ABCB9: variants seen among roughly 807,000 people sequenced by gnomAD.
ABCB9 encodes the protein ABC-type oligopeptide transporter ABCB9.
ABCB9 carries 36 observed loss-of-function variants against 62.0 expected under a neutral mutation model. The ratio of observed to expected loss-of-function variants is 0.58; its 90% CI spans 0.45 to 0.77. The LOEUF (loss-of-function observed/expected upper bound fraction) is 0.77, where lower values mean the gene tolerates loss of function less well. ABCB9 is among the 30% of genes least tolerant of loss of function. The pLI is 0.00. For missense variants in ABCB9, 943 were observed against 1,054.7 expected (o/e 0.89, Z 1.47); for synonymous variants, 435 against 461.4 (o/e 0.94, Z 0.73).
chr12:122,956,120 C>T (rs1241936397), intron 2 of ABCB9, among the ~76,000 whole-genome samples: 1 of 152,144 alleles, frequency 6.6e-6, no homozygotes, highest in Non-Finnish European at 1.5e-5. Flanking sequence ...TTGGGCCGCC[C>T]AGCATGAGCC....
intron 9 of ABCB9, among the ~76,000 whole-genome samples, chr12:122,937,809 C>T (rs1052566361): frequency 6.6e-6 from 1 of 152,164 alleles, no homozygotes; most frequent in Non-Finnish European, 1.5e-5. Flanking sequence ...ATGATGTAAA[C>T]GGTGCTCCCT....
intron 3 of ABCB9, among the ~76,000 whole-genome samples, 156 bp downstream of exon 3, chr12:122,950,295 G>A (rs1229786840): frequency 1.3e-5 from 2 of 152,156 alleles, no homozygotes; most frequent in Admixed American, 6.5e-5. Context: ...AGACAGTGTG[G>A]AAGCCGGTTC....
At position 122,932,202 on chromosome 12, in the gene ABCB9, C is replaced by T; in HGVS notation, c.2030G>A (p.Ser677Asn). Residue 677 changes from serine (S) to asparagine (N), a missense_variant, in exon 11 of 12, where the codon AGC (serine) becomes AAC (asparagine). By Grantham distance (46) the Ser-to-Asn change is conservative. Transcript: ENST00000280560. This position sits in a 1 kb window ranked among gnomAD's most constrained non-coding sequence, Gnocchi z 4.7. Reference protein sequence around the residue: ...DEATSALDAESEYLIQQAIHG... With the variant: ...DEATSALDAENEYLIQQAIHG... ...CACCCTGTGACTCACCAGATACTCGCTCTCGGCATCCAAAGCGCTGGTGGC... is the reference window on the plus strand; with the variant it reads ...CACCCTGTGACTCACCAGATACTCGTTCTCGGCATCCAAAGCGCTGGTGGC... 1.3e-6 allele frequency: 2 copies of T among 1,552,776 alleles called. No individual in the cohort carries two copies. The highest frequency in any genetic ancestry group is 2.0e-5 in the Admixed American group (1 of 51,202).
intron 5 of ABCB9, chr12:122,946,502 A>G: frequency 2.1e-6 from 1 of 483,386 alleles, no homozygotes; most frequent in Non-Finnish European, 3.8e-6. Flanking sequence ...CCCAGTATTC[A>G]AAAGAGGCTA....
rs1334285313 is a variant in ABCB9 at position 122,940,929 on chromosome 12, T to C, written c.1447A>G (p.Ile483Val). ...TGCACCATGGTCGGCTGCCGGTCGA[T>C]GAACTCGAACACCTTCTCAGCAGCC... ...VGAAEKVFEF[I>V]DRQPTMVHDG... The change falls in exon 8 of 12, where the codon ATC (isoleucine) becomes GTC (valine). Residue 483 changes from isoleucine (I) to valine (V), a missense_variant. By Grantham distance (29) the Ile-to-Val change is conservative. Transcript: ENST00000280560. This position sits in a 1 kb window ranked among gnomAD's most constrained non-coding sequence, Gnocchi z 4.8. 1.9e-6 allele frequency: 3 copies of C among 1,612,768 alleles called. No homozygotes were observed. Among genetic ancestry groups the C allele is most frequent in the Non-Finnish European group, 2.5e-6 (3 of 1,179,528 alleles).
rs779022972 is a variant in ABCB9, at chr12:122,940,185, G to T, written c.1669C>A (p.Pro557Thr). Residue 557 changes from proline (P) to threonine (T), a missense_variant, in exon 9 of 12, where the codon CCC (proline) becomes ACC (threonine). By Grantham distance (38) the Pro-to-Thr change is conservative. Transcript: ENST00000280560. This position sits in a 1 kb window ranked among gnomAD's most constrained non-coding sequence, Gnocchi z 4.8. ...SCVNILENFY[P>T]LEGGRVLLDG... ...AGCAGCACCCGGCCCCCCTCCAGGG[G>T]GTAGAAGTTCTCCAGGATGTTGACA... 1.2e-6 allele frequency: 2 copies of T among 1,613,776 alleles called. No homozygotes were observed. The highest frequency in any genetic ancestry group is 4.5e-5 in the East Asian group (2 of 44,884).
At position 122,929,023 on chromosome 12, in the gene ABCB9, C is replaced by T. The variant is rs1355405226; in HGVS notation, c.*888G>A. The T allele has an allele frequency of 4.1e-6, 4 of 985,770 alleles. No individual in the cohort carries two copies. Among genetic ancestry groups the T allele is most frequent in the East Asian group, 2.3e-4 (2 of 8,820 alleles). The allele number at this position is 985,770 out of a possible 1,614,324, so 61.1% of individuals were successfully genotyped here. On this transcript the variant is annotated 3_prime_UTR_variant, in exon 12 of 12. Transcript: ENST00000280560. The surrounding 1 kb of genome is among the most constrained non-coding windows in gnomAD (Gnocchi z 6.0). ...GTAAGAGGTAGTACACTTTATTGAC[C>T]GGGTTCTCTCAACATGTTGCAACCT...
chr12:122,944,642 CG>C lies in ABCB9; in HGVS notation c.1252-124del. On this transcript the variant is annotated intron_variant, in intron 6 of 11. Coordinates refer to ENST00000280560, the MANE Select transcript of ABCB9 (RefSeq NM_019625.4). The surrounding 1 kb of genome is among the most constrained non-coding windows in gnomAD (Gnocchi z 4.9). ...CAGACCCAGCCACAAACTGAAATGC[CG>C]GCCGTTGGCAGGGGTGTCTTCCAAG... 1 of 1,396,154 alleles carries C rather than the reference CG, an allele frequency of 7.2e-7. No individual in the cohort carries two copies. Among genetic ancestry groups the C allele is most frequent in the Non-Finnish European group, 9.6e-7 (1 of 1,038,580 alleles). 86.5% of individuals were successfully genotyped at this position (1,396,154 alleles called of 1,614,324 possible).
chr12:122,967,122 C>T (rs1037491396), upstream of ABCB9, among the ~76,000 whole-genome samples: 4 of 152,128 alleles, frequency 2.6e-5, no homozygotes, highest in African/African-American at 9.7e-5. Context: ...GGGGAGGCAG[C>T]GATATGTCCT....
rs761082318 is a variant in ABCB9, at chr12:122,960,007, G to T, written c.229C>A (p.Arg77=). The change falls in exon 2 of 12, where the codon CGG becomes AGG. Residue 77 remains arginine, a synonymous_variant. Coordinates refer to ENST00000280560, the MANE Select transcript of ABCB9 (RefSeq NM_019625.4). ...ACCAGCCACGAGGCCCGCAGCCGCC[G>T]GGGCCCCAGCGCACTGTTCTTGGCC... ...GVAKNSALGP[R]RLRASWLVIT... 1.9e-5 allele frequency: 31 copies of T among 1,613,168 alleles called. No individual in the cohort carries two copies. The highest frequency in any genetic ancestry group is 2.5e-5 in the Non-Finnish European group (29 of 1,180,042).
intron 5 of ABCB9, chr12:122,946,466 G>T (rs1376318695): frequency 1.8e-6 from 1 of 561,456 alleles, no homozygotes; most frequent in Non-Finnish European, 3.2e-6. Flanking sequence ...TGAAGGATAG[G>T]GCACGGTGCT....
Position 122,960,017 on chromosome 12 carries a change from C to A in ABCB9, c.219G>T (p.Ala73=), listed in dbSNP as rs369221947. 6 of 1,613,392 alleles carry A rather than the reference C, an allele frequency of 3.7e-6. No individual in the cohort carries two copies. Among genetic ancestry groups the A allele is most frequent in the African/African-American group, 2.7e-5 (2 of 75,072 alleles). Residue 73 remains alanine (A), a synonymous_variant, in exon 2 of 12, where the codon GCG becomes GCT. Coordinates refer to ENST00000280560, the MANE Select transcript of ABCB9 (RefSeq NM_019625.4). ...GATIGVAKNS[A]LGPRRLRASW... is the part of the protein sequence containing the mutation. ...AGGCCCGCAGCCGCCGGGGCCCCAG[C>A]GCACTGTTCTTGGCCACACCAATGG...
At chr12:122,949,674 G>A (rs1361496360) in intron 4 of ABCB9, 114 bp downstream of exon 4, 1 of 1,366,486 alleles carries the variant, frequency 7.3e-7, no homozygotes. Flanking sequence ...AACAGCAGGA[G>A]GAGAAGACAG....
At chr12:122,949,066 G>T in intron 4 of ABCB9, 1 of 374,744 alleles carries the variant, frequency 2.7e-6, no homozygotes, top group South Asian at 6.1e-5. Flanking sequence ...AGGAGGCTGG[G>T]GCTCAGAACA....
intron 10 of ABCB9, among the ~76,000 whole-genome samples, chr12:122,933,662 TTATTA>T (rs1251601281): frequency 1.3e-5 from 2 of 152,078 alleles, no homozygotes; most frequent in Non-Finnish European, 2.9e-5. Flanking sequence ...TAATATATAT[TTATTA>T]TATCAATTAA....
chr12:122,961,973 T>C (rs1256118386), intron 1 of ABCB9, among the ~76,000 whole-genome samples: 2 of 152,218 alleles, frequency 1.3e-5, no homozygotes, highest in Non-Finnish European at 2.9e-5. Context: ...ATAAACTATT[T>C]TGGTCTAAGA....
At chr12:122,919,276 G>A (rs1018330681), downstream of ABCB9, among the ~76,000 whole-genome samples, 1 of 152,038 alleles carries the variant, frequency 6.6e-6, no homozygotes, top group African/African-American at 2.4e-5. Flanking sequence ...GAGCTCAAAG[G>A]ATCCTCCTGC....
Position 122,930,032 on chromosome 12 carries a change from A to C in ABCB9, c.2180T>G (p.Leu727Arg). The C allele has an allele frequency of 6.4e-7, 1 of 1,573,656 alleles. No homozygotes were observed. The highest frequency in any genetic ancestry group is 1.2e-5 in the South Asian group (1 of 86,028). The change falls in exon 12 of 12, where the codon CTG becomes CGG. Residue 727 changes from leucine (L) to arginine (R), a missense_variant. Transcript: ENST00000280560. The surrounding 1 kb of genome is among the most constrained non-coding windows in gnomAD (Gnocchi z 4.9). ...RVVQQGTHQQ[L>R]LAQGGLYAKL... is the part of the protein sequence containing the mutation. Reference sequence around the variant, plus strand: ...GGCGTAGAGGCCGCCCTGGGCCAGCAGCTGCTGGTGGGTGCCCTGCTGCAC... The same window carrying C: ...GGCGTAGAGGCCGCCCTGGGCCAGCCGCTGCTGGTGGGTGCCCTGCTGCAC...
At chr12:122,969,179 C>G (rs1254835031), upstream of ABCB9, among the ~76,000 whole-genome samples, 1 of 147,386 alleles carries the variant, frequency 6.8e-6, no homozygotes, top group Non-Finnish European at 1.5e-5. Context: ...TTTCCACCCC[C>G]CCCCCCCCCC....
Sources: gnomAD v4.1 joint callset for allele counts (sites outside exome capture counted in the v4.1 genomes callset) on GRCh38, gnomAD v4.1.1 for gene constraint, Gnocchi (gnomAD v3.1) non-coding constraint, MANE v1.5 for transcripts, NCBI Gene and HGNC (gene_info 2026-07-23, HGNC 2026-07-21) for gene names.